PTDSS1: variants seen among roughly 807,000 people sequenced by gnomAD.
PTDSS1 encodes the protein phosphatidylserine synthase 1, also known as PSS-1.
Under a neutral mutation model 70.5 loss-of-function variants are expected in PTDSS1, and 45 were observed. That is an observed-to-expected ratio of 0.64 (90% CI 0.50 to 0.82). The LOEUF (loss-of-function observed/expected upper bound fraction) is 0.82, where lower values mean the gene tolerates loss of function less well. Among genes scored for constraint, PTDSS1 ranks in the 40% least tolerant of loss-of-function variants. PTDSS1 has a pLI of 0.00. For synonymous variants in PTDSS1, 188 were observed against 203.8 expected (o/e 0.92, Z 0.66); for missense variants, 417 against 586.1 (o/e 0.71, Z 2.98).
chr8:96,269,744 G>T (rs963449312), intron 1 of PTDSS1, among the ~76,000 whole-genome samples: 2 of 152,158 alleles, frequency 1.3e-5, no homozygotes, highest in Non-Finnish European at 2.9e-5. Context: ...TTCCTTCAGG[G>T]CAAGGCTATA....
chr8:96,283,091 C>T (rs1270683972), intron 2 of PTDSS1, among the ~76,000 whole-genome samples: 1 of 152,200 alleles, frequency 6.6e-6, no homozygotes, highest in Non-Finnish European at 1.5e-5. Flanking sequence ...CCTACTGCCC[C>T]TACTGGCCAG....
chr8:96,261,945 C>G lies in PTDSS1; in HGVS notation c.-96C>G, dbSNP rs371987160. 8 of 1,318,496 alleles carry G rather than the reference C, an allele frequency of 6.1e-6. No individual in the cohort carries two copies. Among genetic ancestry groups the G allele is most frequent in the South Asian group, 4.3e-5 (3 of 70,268 alleles). The allele number at this position is 1,318,496 out of a possible 1,614,324, so 81.7% of individuals were successfully genotyped here. On this transcript the variant is annotated 5_prime_UTR_variant, in exon 1 of 13. Transcript: ENST00000517309. ...TGCTGGGCGCCAGACCCGGCTTTGC[C>G]GTCCGGCTATTAGCCTACTGTGGCT...
chr8:96,336,379 G>A lies in PTDSS1; in HGVS notation c.*2813G>A, dbSNP rs960150876. 6.6e-6 allele frequency: 1 copy of A among 152,002 alleles called. No homozygotes were observed. The highest frequency in any genetic ancestry group is 2.4e-5 in the African/African-American group (1 of 41,246). The allele number at this position is 152,002 out of a possible 1,614,324, so 9.4% of individuals were successfully genotyped here. On this transcript the variant is annotated 3_prime_UTR_variant, in exon 13 of 13. Coordinates refer to ENST00000517309, the MANE Select transcript of PTDSS1 (RefSeq NM_014754.3). ...TTTGGAATTGGGAGGGTTTTGGGTA[G>A]AATCCTGCACTTACAGAGGCCCTTG...
At chr8:96,333,279 T>G (rs1811543883) in intron 12 of PTDSS1, among the ~76,000 whole-genome samples, 178 bp from the exon 13 acceptor site, 1 of 152,136 alleles carries the variant, frequency 6.6e-6, no homozygotes, top group South Asian at 2.1e-4. Flanking sequence ...CCGCGTGTGC[T>G]CCTTCAGTAC....
rs1454903944 is a variant in PTDSS1 at position 96,320,453 on chromosome 8, C to T, written c.1173+108C>T. 4 of 967,560 alleles carry T rather than the reference C, an allele frequency of 4.1e-6. No homozygotes were observed. The African/African-American group carries it at 4.9e-5, about 12-fold the overall frequency. 59.9% of individuals were successfully genotyped at this position (967,560 alleles called of 1,614,324 possible). On this transcript the variant is annotated intron_variant, in intron 10 of 12. Coordinates refer to ENST00000517309, the MANE Select transcript of PTDSS1 (RefSeq NM_014754.3). ...TGTGTATCAAAGTTCCTTAGAAATT[C>T]ATAAAAAGATGTTCTACTTGTAATT...
intron 1 of PTDSS1, among the ~76,000 whole-genome samples, chr8:96,267,053 T>C (rs898050566): frequency 4.6e-5 from 7 of 152,216 alleles, no homozygotes; most frequent in Admixed American, 3.9e-4. Context: ...GCAACCTTAA[T>C]TCAAGTTCAT....
chr8:96,310,035 A>G (rs1586202298), intron 9 of PTDSS1, among the ~76,000 whole-genome samples: 1 of 152,006 alleles, frequency 6.6e-6, no homozygotes, highest in East Asian at 2.0e-4. Flanking sequence ...AGGCTGAGGC[A>G]GGAGAATCGC....
In PTDSS1 at chr8:96,333,719, G is replaced by A. The variant is rs1180861119; in HGVS notation, c.*153G>A. The A allele has an allele frequency of 3.8e-6, 3 of 786,080 alleles. No individual in the cohort carries two copies. Among genetic ancestry groups the A allele is most frequent in the Admixed American group, 4.0e-5 (2 of 49,868 alleles). The allele number at this position is 786,080 out of a possible 1,614,324, so 48.7% of individuals were successfully genotyped here. A position where few individuals can be genotyped will look rare whatever the true frequency, so the allele number is the denominator to read the frequency against. On this transcript the variant is annotated 3_prime_UTR_variant, in exon 13 of 13. Transcript: ENST00000517309. ...GTCATTATTTGAGATCGTAAGTCTT[G>A]TTTCCCACAGACCTGGCCGCGTCAG...
At chr8:96,308,358 CTGGTCTT>C (rs1811157855) in intron 8 of PTDSS1, among the ~76,000 whole-genome samples, 1 of 152,204 alleles carries the variant, frequency 6.6e-6, no homozygotes, top group Non-Finnish European at 1.5e-5. Flanking sequence ...ATTCTTCACT[CTGGTCTT>C]TGGGGTGAGA....
chr8:96,290,926 C>G (rs1810894534), intron 4 of PTDSS1, among the ~76,000 whole-genome samples: 1 of 143,786 alleles, frequency 7.0e-6, no homozygotes, highest in South Asian at 2.2e-4. Flanking sequence ...ATTATAAATC[C>G]CTTAGAATTA....
At chr8:96,321,293 C>T (rs1369670535) in intron 10 of PTDSS1, among the ~76,000 whole-genome samples, 1 of 152,174 alleles carries the variant, frequency 6.6e-6, no homozygotes, top group Admixed American at 6.5e-5. Flanking sequence ...TTAATGCAAC[C>T]ACCCTACCAT....
Position 96,262,727 on chromosome 8 carries a change from C to T in PTDSS1, c.179+508C>T, listed in dbSNP as rs147221114. Among the ~76,000 whole-genome samples the T allele has an allele frequency of 6.6e-6, 1 of 152,356 alleles. No individual in the cohort carries two copies. Among genetic ancestry groups the T allele is most frequent in the Non-Finnish European group, 1.5e-5 (1 of 68,036 alleles). Reference sequence around the variant, plus strand: ...TCCTGTGGAACTCCGGTATTCGGCACTATCCGTAACGCACAAAAAATGCAC... The same window carrying T: ...TCCTGTGGAACTCCGGTATTCGGCATTATCCGTAACGCACAAAAAATGCAC... On this transcript the variant is annotated intron_variant, in intron 1 of 12. Coordinates refer to ENST00000517309, the MANE Select transcript of PTDSS1 (RefSeq NM_014754.3). This position sits in a 1 kb window ranked among gnomAD's most constrained non-coding sequence, Gnocchi z 4.4.
rs143745574 is a variant in PTDSS1, at chr8:96,292,538, G to T, written c.442-2560G>T. Among the ~76,000 whole-genome samples the T allele has an allele frequency of 1.4e-4, 22 of 152,246 alleles. No individual in the cohort carries two copies. In the East Asian group the frequency reaches 2.3e-3, roughly 16 times the overall value. ...AGAGGGCCCTGCCTGAGGCTAGGAG[G>T]CTGCCAGGGCTGAGCCAGCTGGGAT... On this transcript the variant is annotated intron_variant, in intron 4 of 12. Transcript: ENST00000517309.
intron 3 of PTDSS1, 141 bp downstream of exon 3, chr8:96,284,294 T>C: frequency 1.4e-6 from 1 of 702,224 alleles, no homozygotes; most frequent in Non-Finnish European, 2.3e-6. Flanking sequence ...CTAATATACA[T>C]GTTTTCTTAA....
At position 96,262,641 on chromosome 8, in the gene PTDSS1, C is replaced by A. The variant is rs1282242762; in HGVS notation, c.179+422C>A. 6.6e-6 allele frequency among the ~76,000 whole-genome samples: 1 copy of A among 152,226 alleles called. No individual in the cohort carries two copies. Among genetic ancestry groups the A allele is most frequent in the African/African-American group, 2.4e-5 (1 of 41,436 alleles). ...AGCACACACCGCTACACATACAAAG[C>A]ACCCCAATCCACAGCGCCTGCAGGC... On this transcript the variant is annotated intron_variant, in intron 1 of 12. Transcript: ENST00000517309. The surrounding 1 kb of genome is among the most constrained non-coding windows in gnomAD (Gnocchi z 4.4).
chr8:96,313,732 C>G (rs969898683), intron 9 of PTDSS1, among the ~76,000 whole-genome samples: 1 of 152,210 alleles, frequency 6.6e-6, no homozygotes, highest in Non-Finnish European at 1.5e-5. Context: ...CGACCAGTTT[C>G]CTCGCTGCCT....
chr8:96,332,366 C>T (rs565900831), intron 12 of PTDSS1, among the ~76,000 whole-genome samples: 13 of 152,260 alleles, frequency 8.5e-5, no homozygotes, highest in Admixed American at 5.2e-4. Context: ...CTCAGAGAAA[C>T]GGTGGGCCAA....
At chr8:96,290,806 C>A (rs1380041072) in intron 4 of PTDSS1, among the ~76,000 whole-genome samples, 2 of 150,134 alleles carry the variant, frequency 1.3e-5, no homozygotes, top group African/African-American at 4.9e-5. Flanking sequence ...CATTGAAACT[C>A]AGACTTCATT....
At chr8:96,276,214 A>G (rs1335035627) in intron 2 of PTDSS1, among the ~76,000 whole-genome samples, 1 of 152,212 alleles carries the variant, frequency 6.6e-6, no homozygotes, top group Non-Finnish European at 1.5e-5. Context: ...CCCTTCTCTA[A>G]GTCTTTAGCG....
Sources: allele counts gnomAD v4.1 joint callset (sites outside exome capture counted in the v4.1 genomes callset), GRCh38; gene constraint gnomAD v4.1.1; non-coding constraint Gnocchi (gnomAD v3.1); transcripts MANE v1.5; gene names NCBI Gene and HGNC (gene_info 2026-07-23, HGNC 2026-07-21).